Variants in TRIM24 observed in about 807,000 individuals in gnomAD.
TRIM24 encodes tripartite motif containing 24.
TRIM24 carries 29 observed loss-of-function variants against 123.9 expected under a neutral mutation model. The ratio of observed to expected loss-of-function variants is 0.23; its 90% CI spans 0.17 to 0.32. The LOEUF (loss-of-function observed/expected upper bound fraction) is 0.32, where lower values mean the gene tolerates loss of function less well. TRIM24 is among the 10% of genes least tolerant of loss of function. TRIM24 has a pLI of 1.00. For missense variants in TRIM24, 932 were observed against 1,295.3 expected (o/e 0.72, Z 4.31); for synonymous variants, 456 against 461.1 (o/e 0.99, Z 0.14).
chr7:138,487,782 T>C (rs922366162), intron 1 of TRIM24, among the ~76,000 whole-genome samples: 1 of 152,180 alleles, frequency 6.6e-6, no homozygotes, highest in African/African-American at 2.4e-5. Flanking sequence ...TCGATGTTCA[T>C]CAGGGATATT....
intron 14 of TRIM24, among the ~76,000 whole-genome samples, chr7:138,578,563 T>TGTGTGTGTGTGTGCGCGC (rs145011901): frequency 3.4e-4 from 49 of 145,086 alleles, no homozygotes; most frequent in Middle Eastern, 3.6e-3. Context: ...TGTGTGTGTG[T>TGTGTGTGTGTGTGCGCGC]GCGCGCACGC....
chr7:138,537,273 G>A (rs561950170), intron 6 of TRIM24, among the ~76,000 whole-genome samples: 1 of 151,400 alleles, frequency 6.6e-6, no homozygotes, highest in African/African-American at 2.4e-5. Flanking sequence ...TACCTCAGTT[G>A]GAAATGCAGA....
intron 1 of TRIM24, among the ~76,000 whole-genome samples, chr7:138,489,445 A>T (rs1275193067): frequency 3.3e-5 from 5 of 152,128 alleles, no homozygotes; most frequent in Admixed American, 3.3e-4. Context: ...CCTAGCATCG[A>T]TGGTCTTTAC....
At chr7:138,508,684 TGTGTGTGTGCGCGC>T (rs1796205706) in intron 2 of TRIM24, among the ~76,000 whole-genome samples, 15 of 53,444 alleles carry the variant, frequency 2.8e-4, no homozygotes, top group Admixed American at 2.5e-3. Context: ...TGTGTGTGTG[TGTGTGTGTGCGCGC>T]GCGTGTGTGC....
At chr7:138,564,725 G>A (rs1797499543) in intron 9 of TRIM24, among the ~76,000 whole-genome samples, 1 of 152,276 alleles carries the variant, frequency 6.6e-6, no homozygotes, top group South Asian at 2.1e-4. Flanking sequence ...TTCCCTATCT[G>A]TGGTTCCTTT....
At chr7:138,513,927 G>A (rs1796340972) in intron 2 of TRIM24, among the ~76,000 whole-genome samples, 1 of 152,164 alleles carries the variant, frequency 6.6e-6, no homozygotes, top group Non-Finnish European at 1.5e-5. Context: ...GTGAGGCTAA[G>A]GAAGTAGATG....
intron 5 of TRIM24, among the ~76,000 whole-genome samples, chr7:138,528,105 G>A (rs144307628): frequency 6.6e-6 from 1 of 152,036 alleles, no homozygotes; most frequent in African/African-American, 2.4e-5. Flanking sequence ...CTAGATGGCT[G>A]TTATCTAGGC....
At chr7:138,575,397 A>G (rs371845714) in intron 12 of TRIM24, among the ~76,000 whole-genome samples, 5 of 150,826 alleles carry the variant, frequency 3.3e-5, no homozygotes, top group Admixed American at 1.3e-4. Context: ...GGCTCTAGTG[A>G]TCCTCCTGCT....
At chr7:138,490,120 C>A (rs2116496660) in intron 1 of TRIM24, among the ~76,000 whole-genome samples, 1 of 152,208 alleles carries the variant, frequency 6.6e-6, no homozygotes, top group African/African-American at 2.4e-5. Context: ...ATCACTGATA[C>A]CCTTTCTTCC....
chr7:138,565,078 G>T (rs112294867), intron 9 of TRIM24, among the ~76,000 whole-genome samples: 86 of 152,214 alleles, frequency 5.6e-4, no homozygotes, highest in Middle Eastern at 3.4e-3. Flanking sequence ...TCAGTCCCAT[G>T]GTTCTCTCAG....
chr7:138,557,925 C>T (rs1048053394), intron 9 of TRIM24, among the ~76,000 whole-genome samples: 1 of 148,514 alleles, frequency 6.7e-6, no homozygotes, highest in Non-Finnish European at 1.5e-5. Context: ...AGGTGGCTGA[C>T]CCATAATATT....
Position 138,554,975 on chromosome 7 carries a change from G to A in TRIM24, c.1530+9G>A, listed in dbSNP as rs1213639746. The A allele has an allele frequency of 6.2e-7, 1 of 1,612,972 alleles. No homozygotes were observed. Among genetic ancestry groups the A allele is most frequent in the Admixed American group, 1.7e-5 (1 of 59,952 alleles). On this transcript the variant is annotated intron_variant, in intron 9 of 18. Transcript: ENST00000343526. This position sits in a 1 kb window ranked among gnomAD's most constrained non-coding sequence, Gnocchi z 4.5. ...CTTCCATCTCTCATCAGGTAAATTT[G>A]GAAGCAGGCCTGTCCTCACTTAGAT...
intron 1 of TRIM24, among the ~76,000 whole-genome samples, chr7:138,462,875 TA>T (rs202157594): frequency 0.012 from 1,734 of 148,862 alleles, 16 homozygotes; most frequent in Middle Eastern, 0.018. Context: ...TTTATTTATT[TA>T]TTTTTTTTTT....
At chr7:138,536,920 G>A (rs911626440) in intron 6 of TRIM24, among the ~76,000 whole-genome samples, 1 of 152,170 alleles carries the variant, frequency 6.6e-6, no homozygotes, top group East Asian at 1.9e-4. Context: ...AATGGTGGGC[G>A]CCCCTTCCCC....
At chr7:138,504,703 G>A (rs988069175) in intron 2 of TRIM24, among the ~76,000 whole-genome samples, 17 of 150,842 alleles carry the variant, frequency 1.1e-4, no homozygotes, top group Non-Finnish European at 1.9e-4. Context: ...CTCTTGATCC[G>A]CCCATCTCAG....
chr7:138,542,911 AT>A (rs2116616023), intron 7 of TRIM24, among the ~76,000 whole-genome samples: 1 of 152,122 alleles, frequency 6.6e-6, no homozygotes, highest in African/African-American at 2.4e-5. Flanking sequence ...CCTGAGTCTT[AT>A]TTTTTCATTA....
intron 5 of TRIM24, among the ~76,000 whole-genome samples, chr7:138,528,411 A>G (rs1175256363): frequency 2.0e-5 from 3 of 152,214 alleles, no homozygotes; most frequent in Non-Finnish European, 4.4e-5. Context: ...TAATATTATC[A>G]AGACTTTCCT....
chr7:138,528,433 G>T (rs1796658032), intron 5 of TRIM24, among the ~76,000 whole-genome samples: 2 of 152,186 alleles, frequency 1.3e-5, no homozygotes, highest in South Asian at 2.1e-4. Flanking sequence ...GGTCTGGGCT[G>T]TGCCTGTTTC....
At position 138,546,232 on chromosome 7, in the gene TRIM24, C is replaced by A. The variant is rs541560611; in HGVS notation, c.1144-4831C>A. 1.8e-3 allele frequency among the ~76,000 whole-genome samples: 279 copies of A among 152,274 alleles called. 1 individual carries two copies. The highest frequency in any genetic ancestry group is 6.4e-3 in the African/African-American group (268 of 41,554). On this transcript the variant is annotated intron_variant, in intron 7 of 18. Coordinates refer to ENST00000343526, the MANE Select transcript of TRIM24 (RefSeq NM_015905.3). ...GGCACGTCATCATTTGTGTGGTATT[C>A]TTGCCAAGAATACTGTAACTAAGTC...
Sources: gnomAD v4.1 joint callset for allele counts (sites outside exome capture counted in the v4.1 genomes callset) on GRCh38, gnomAD v4.1.1 for gene constraint, Gnocchi (gnomAD v3.1) non-coding constraint, MANE v1.5 for transcripts, NCBI Gene and HGNC (gene_info 2026-07-23, HGNC 2026-07-21) for gene names.